The following ZFHX3 variants were observed in gnomAD, a reference collection of about 807,000 sequenced individuals.
ZFHX3 encodes zinc finger homeobox protein 3.
Under a neutral mutation model 279.1 loss-of-function variants are expected in ZFHX3, and 42 were observed. That is an observed-to-expected ratio of 0.15 (90% CI 0.12 to 0.19). ZFHX3 has a LOEUF of 0.19. Among genes scored for constraint, ZFHX3 ranks in the 10% least tolerant of loss-of-function variants. ZFHX3 has a pLI of 1.00. For missense variants in ZFHX3, 4,981 were observed against 4,754.0 expected (o/e 1.05, Z -1.40); for synonymous variants, 2,293 against 1,957.8 (o/e 1.17, Z -4.52).
chr16:72,881,715 G>C (rs2038476781), intron 4 of ZFHX3, among the ~76,000 whole-genome samples: 1 of 152,172 alleles, frequency 6.6e-6, no homozygotes, highest in Non-Finnish European at 1.5e-5. Flanking sequence ...CTGCACACAT[G>C]GCAGGAGACA....
At chr16:73,036,121 C>T (rs1567644222) in intron 1 of ZFHX3, among the ~76,000 whole-genome samples, 2 of 152,198 alleles carry the variant, frequency 1.3e-5, no homozygotes, top group African/African-American at 2.4e-5. Flanking sequence ...CACACGCGTG[C>T]GCGCGCATAG....
chr16:73,133,639 G>T (rs912780052), intron 6 of ZFHX3, among the ~76,000 whole-genome samples: 1 of 152,168 alleles, frequency 6.6e-6, no homozygotes, highest in East Asian at 1.9e-4. Flanking sequence ...AACCAGTCCT[G>T]CCAACACCTT....
chr16:72,787,106 GGTTT>G lies in ZFHX3; in HGVS notation c.*54_*57del, dbSNP rs901855074. On this transcript the variant is annotated 3_prime_UTR_variant, in exon 10 of 10. Coordinates refer to ENST00000268489, the MANE Select transcript of ZFHX3 (RefSeq NM_006885.4). ...TTGCAGTTAGTCTATTTTTGAAATT[GGTTT>G]GTTATTAATTTTTGTATTTAAATTC... 127 of 1,269,074 alleles carry G rather than the reference GGTTT, an allele frequency of 1.0e-4. No homozygotes were observed. The highest frequency in any genetic ancestry group is 2.4e-4 in the Middle Eastern group (1 of 4,084). The allele number at this position is 1,269,074 out of a possible 1,614,324, so 78.6% of individuals were successfully genotyped here.
intron 4 of ZFHX3, among the ~76,000 whole-genome samples, chr16:72,869,858 A>G (rs2038111619): frequency 6.6e-6 from 1 of 152,226 alleles, no homozygotes; most frequent in South Asian, 2.1e-4. Context: ...CCCAGAAGGA[A>G]CCACCATAAC....
Position 72,811,569 on chromosome 16 carries a change from T to C in ZFHX3, c.3864+8A>G, listed in dbSNP as rs746893844. The C allele has an allele frequency of 5.7e-6, 9 of 1,573,612 alleles. No individual in the cohort carries two copies. The highest frequency in any genetic ancestry group is 6.9e-6 in the Non-Finnish European group (8 of 1,155,686). ...AAGACCACAGGGTGCTGCTCCTGGC[T>C]GCCTTACCGTCATAATGAGCTTCTC... On this transcript the variant is annotated splice_region_variant and intron_variant, in intron 7 of 9. Transcript: ENST00000268489.
chr16:72,925,221 T>C (rs1959381609), intron 3 of ZFHX3, among the ~76,000 whole-genome samples: 1 of 152,202 alleles, frequency 6.6e-6, no homozygotes, highest in South Asian at 2.1e-4. Flanking sequence ...GGCTGCCCAC[T>C]CTTCCCCCAC....
At chr16:72,914,896 C>CAGG (rs2039404446) in intron 3 of ZFHX3, among the ~76,000 whole-genome samples, 2 of 152,118 alleles carry the variant, frequency 1.3e-5, no homozygotes, top group African/African-American at 4.8e-5. Context: ...GTGGCTGAGG[C>CAGG]AGGAGAATTG....
chr16:73,290,602 G>A (rs1024358952), intron 4 of ZFHX3, among the ~76,000 whole-genome samples: 1 of 152,190 alleles, frequency 6.6e-6, no homozygotes, highest in Non-Finnish European at 1.5e-5. Context: ...GACCCCAACT[G>A]GGTGTGGGCT....
chr16:73,318,024 G>C (rs1215084313), intron 4 of ZFHX3, among the ~76,000 whole-genome samples: 2 of 152,208 alleles, frequency 1.3e-5, no homozygotes, highest in South Asian at 2.1e-4. Context: ...AATCCTCCCA[G>C]CTACAGAGGA....
intron 1 of ZFHX3, among the ~76,000 whole-genome samples, chr16:72,980,426 A>G (rs150764676): frequency 5.3e-4 from 81 of 152,268 alleles, no homozygotes; most frequent in African/African-American, 1.5e-3. Context: ...GGACAATCAG[A>G]TAAGTCTGAA....
chr16:73,021,770 G>A (rs1365611586), intron 1 of ZFHX3, among the ~76,000 whole-genome samples: 1 of 144,940 alleles, frequency 6.9e-6, no homozygotes, highest in African/African-American at 2.6e-5. Flanking sequence ...GGTGGAGGTT[G>A]CAGTGAGCCA....
intron 3 of ZFHX3, among the ~76,000 whole-genome samples, chr16:73,407,047 T>C (rs2017373852): frequency 1.3e-5 from 2 of 151,900 alleles, no homozygotes. Context: ...AAAGGGTGAT[T>C]TTTTCCTGCA....
In ZFHX3 at chr16:73,133,302, A is replaced by T. The variant is rs147628980; in HGVS notation, c.-1023-2208T>A. Among the ~76,000 whole-genome samples, 1,350 of 152,290 alleles carry T rather than the reference A, an allele frequency of 8.9e-3. 25 individuals carry two copies. The highest frequency in any genetic ancestry group is 0.03 in the African/African-American group (1,262 of 41,556). On this transcript the variant is annotated intron_variant, in intron 6 of 17. Coordinates refer to the ZFHX3 transcript ENST00000641206. ...TTTGGGAGGCTGAGGTGGGTGGATC[A>T]CCTGAAGTCAGGAGTTCAAGACCAG...
At chr16:73,667,034 C>G (rs1190145642) in intron 2 of ZFHX3, among the ~76,000 whole-genome samples, 1 of 151,900 alleles carries the variant, frequency 6.6e-6, no homozygotes, top group Non-Finnish European at 1.5e-5. Flanking sequence ...CTCCGTCACC[C>G]AGGCTAGAGT....
In ZFHX3 at chr16:73,684,505, GA is replaced by G. The variant is rs199677770; in HGVS notation, c.-1607-4266del. Among the ~76,000 whole-genome samples, 1,298 of 152,202 alleles carry G rather than the reference GA, an allele frequency of 8.5e-3. 8 individuals are homozygous for G. The highest frequency in any genetic ancestry group is 0.017 in the Middle Eastern group (5 of 294). On this transcript the variant is annotated intron_variant, in intron 1 of 17. Transcript: ENST00000641206. The stretch of plus-strand genomic sequence containing the variant: ...ATCAAAAAGAGGAATGTGCATATTG[GA>G]TTAAGGTAGGTAGAATAATGGCTTC...
chr16:73,207,078 T>TA (rs67312817), intron 5 of ZFHX3, among the ~76,000 whole-genome samples: 3 of 150,774 alleles, frequency 2.0e-5, no homozygotes, highest in Non-Finnish European at 4.4e-5. Context: ...AAATAAAAAA[T>TA]AAAAAAAAGT....
At chr16:73,399,393 G>C (rs1191090927) in intron 3 of ZFHX3, among the ~76,000 whole-genome samples, 1 of 152,154 alleles carries the variant, frequency 6.6e-6, no homozygotes, top group Non-Finnish European at 1.5e-5. Flanking sequence ...AAAGCAGAGG[G>C]GACTCCGGTT....
intron 1 of ZFHX3, among the ~76,000 whole-genome samples, chr16:73,771,177 G>T (rs1046188721): frequency 6.6e-6 from 1 of 152,174 alleles, no homozygotes; most frequent in East Asian, 1.9e-4. Context: ...AAACAGGCAA[G>T]GGGTGAATTC....
At chr16:73,424,409 T>C (rs555620572) in intron 3 of ZFHX3, among the ~76,000 whole-genome samples, 23 of 152,264 alleles carry the variant, frequency 1.5e-4, no homozygotes, top group African/African-American at 5.5e-4. Flanking sequence ...TTCTGGTAGC[T>C]TGAACATGGC....
Sources: allele counts gnomAD v4.1 joint callset (sites outside exome capture counted in the v4.1 genomes callset), GRCh38; gene constraint gnomAD v4.1.1; transcripts MANE v1.5; gene names NCBI Gene and HGNC (gene_info 2026-07-23, HGNC 2026-07-21).